SV2B: variants seen among roughly 807,000 people sequenced by gnomAD.
The protein encoded by SV2B is synaptic vesicle glycoprotein 2B.
SV2B carries 41 observed loss-of-function variants against 73.9 expected under a neutral mutation model. The ratio of observed to expected loss-of-function variants is 0.56; its 90% confidence interval spans 0.43 to 0.72. The LOEUF (loss-of-function observed/expected upper bound fraction) is 0.72. SV2B is among the 30% of genes least tolerant of loss of function. The pLI, the probability that SV2B is intolerant of heterozygous loss-of-function variation, is 0.00. For synonymous variants in SV2B, 314 were observed against 314.2 expected (o/e 1.00, Z 0.01); for missense variants, 764 against 857.8 (o/e 0.89, Z 1.37).
intron 1 of SV2B, among the ~76,000 whole-genome samples, chr15:91,187,944 TAAAC>T (rs2044839499): frequency 6.6e-6 from 1 of 152,118 alleles, no homozygotes. Context: ...AATGCCATAA[TAAAC>T]AAAATAAGAA....
rs966118103 is a variant in SV2B at position 91,224,193 on chromosome 15, A to G, written c.-391-1680A>G. ...GAGTCAAGTAGCCATGGTGAGGACAAATGTATCCAATCCTTTGTGAGGTGA... is the reference window on the plus strand; with the variant it reads ...GAGTCAAGTAGCCATGGTGAGGACAGATGTATCCAATCCTTTGTGAGGTGA... On this transcript the variant is annotated intron_variant, in intron 1 of 12. Coordinates refer to ENST00000394232, the MANE Select transcript of SV2B (RefSeq NM_001323032.3). This position sits in a 1 kb window ranked among gnomAD's most constrained non-coding sequence, Gnocchi z 4.9. Among the ~76,000 whole-genome samples, 2 of 152,148 alleles carry G rather than the reference A, an allele frequency of 1.3e-5. No individual in the cohort carries two copies. Among genetic ancestry groups the G allele is most frequent in the African/African-American group, 2.4e-5 (1 of 41,420 alleles).
chr15:91,188,074 C>T (rs1187626193), intron 1 of SV2B, among the ~76,000 whole-genome samples: 1 of 151,706 alleles, frequency 6.6e-6, no homozygotes, highest in Non-Finnish European at 1.5e-5. Context: ...AATTATTTTT[C>T]TTTTATTTTA....
chr15:91,162,759 G>A lies in SV2B; in HGVS notation c.-392+62396G>A, dbSNP rs75535921. ...CATTGCTGGTTGTCAACTAGGGACT[G>A]CTTTTTTTGTTTTGTTTTGTTTTTA... On this transcript the variant is annotated intron_variant, in intron 1 of 12. Transcript: ENST00000394232. Among the ~76,000 whole-genome samples the A allele has an allele frequency of 2.9e-3, 436 of 152,250 alleles. 1 individual carries two copies. Among genetic ancestry groups the A allele is most frequent in the South Asian group, 5.4e-3 (26 of 4,822 alleles).
At chr15:91,101,143 G>A (rs2041711407) in intron 1 of SV2B, among the ~76,000 whole-genome samples, 1 of 152,178 alleles carries the variant, frequency 6.6e-6, no homozygotes, top group Non-Finnish European at 1.5e-5. Context: ...AGCAGCCCCA[G>A]TGGGGTGGGG....
chr15:91,172,538 A>C (rs2044159637), intron 1 of SV2B, among the ~76,000 whole-genome samples: 1 of 152,216 alleles, frequency 6.6e-6, no homozygotes, highest in Non-Finnish European at 1.5e-5. Context: ...AGAGGGAGGC[A>C]CGAAAGAGGA....
chr15:91,273,826 C>T (rs2048395225), intron 9 of SV2B, among the ~76,000 whole-genome samples: 1 of 152,306 alleles, frequency 6.6e-6, no homozygotes, highest in Middle Eastern at 3.4e-3. Flanking sequence ...AGGTCATGAT[C>T]ACCATTGTCA....
chr15:91,228,563 G>T (rs4456482), intron 2 of SV2B, among the ~76,000 whole-genome samples: 2 of 152,198 alleles, frequency 1.3e-5, no homozygotes, highest in Non-Finnish European at 2.9e-5. Context: ...TTCATGGCCT[G>T]CTGGTCTCTC....
At chr15:91,285,679 G>C (rs1411526657) in intron 11 of SV2B, among the ~76,000 whole-genome samples, 1 of 152,210 alleles carries the variant, frequency 6.6e-6, no homozygotes, top group African/African-American at 2.4e-5. Flanking sequence ...AGGGGTGTGA[G>C]AGCAGACATG....
At chr15:91,211,212 G>C (rs528874683) in intron 1 of SV2B, among the ~76,000 whole-genome samples, 6 of 152,244 alleles carry the variant, frequency 3.9e-5, no homozygotes, top group Non-Finnish European at 8.8e-5. Flanking sequence ...TGCTAAGGCA[G>C]TGCCAGTGGA....
rs150095793 is a variant in SV2B, at chr15:91,213,313, A to G, written c.-391-12560A>G. ...GGTGTTACTTTCCAGTGAGATACCTATCTGGCAGTGGGAGATGCAGTTAGG... is the reference window on the plus strand; with the variant it reads ...GGTGTTACTTTCCAGTGAGATACCTGTCTGGCAGTGGGAGATGCAGTTAGG... On this transcript the variant is annotated intron_variant, in intron 1 of 12. Coordinates refer to ENST00000394232, the MANE Select transcript of SV2B (RefSeq NM_001323032.3). Among the ~76,000 whole-genome samples, 255 of 152,278 alleles carry G rather than the reference A, an allele frequency of 1.7e-3. 1 individual carries two copies. The highest frequency in any genetic ancestry group is 3.0e-3 in the Non-Finnish European group (202 of 68,020).
At chr15:91,150,529 T>C (rs1451458486) in intron 1 of SV2B, among the ~76,000 whole-genome samples, 1 of 152,244 alleles carries the variant, frequency 6.6e-6, no homozygotes, top group Non-Finnish European at 1.5e-5. Flanking sequence ...CCTTCTGTTA[T>C]TAAAATTAAT....
At chr15:91,215,665 T>C (rs1317934438) in intron 1 of SV2B, among the ~76,000 whole-genome samples, 2 of 152,208 alleles carry the variant, frequency 1.3e-5, no homozygotes, top group Non-Finnish European at 2.9e-5. Flanking sequence ...GGTATTATAG[T>C]GTCATCATTT....
At chr15:91,251,152 T>A (rs147256502) in intron 2 of SV2B, among the ~76,000 whole-genome samples, 1 of 152,180 alleles carries the variant, frequency 6.6e-6, no homozygotes, top group Non-Finnish European at 1.5e-5. Flanking sequence ...ATTCACACAT[T>A]TATGGCCAAT....
chr15:91,268,404 C>T lies in SV2B; in HGVS notation c.1209-37C>T, dbSNP rs756028041. ...GACCCTGATCATGAAAGAATGAATC[C>T]TGTTGTTGTTGCAACCTTCTGCCTT... On this transcript the variant is annotated intron_variant, in intron 8 of 12. Coordinates refer to ENST00000394232, the MANE Select transcript of SV2B (RefSeq NM_001323032.3). The surrounding 1 kb of genome is among the most constrained non-coding windows in gnomAD (Gnocchi z 4.4). The T allele has an allele frequency of 1.4e-5, 22 of 1,589,998 alleles. No individual in the cohort carries two copies. Among genetic ancestry groups the T allele is most frequent in the Non-Finnish European group, 1.9e-5 (22 of 1,163,554 alleles).
intron 1 of SV2B, among the ~76,000 whole-genome samples, chr15:91,179,932 G>A (rs12903251): frequency 0.35 from 51,536 of 147,522 alleles, 9,369 homozygotes; most frequent in East Asian, 0.69. Flanking sequence ...TGATCCTGTC[G>A]TTATGATGTT....
chr15:91,169,094 C>T (rs1257583439), intron 1 of SV2B, among the ~76,000 whole-genome samples: 1 of 152,068 alleles, frequency 6.6e-6, no homozygotes, highest in Admixed American at 6.6e-5. Context: ...GAGGAGGTTA[C>T]TTTGTTTTTC....
chr15:91,288,830 AC>A lies in SV2B; in HGVS notation c.1709-689del, dbSNP rs2048949058. ...GTAGCTGGGATTACAGGTGTGCACC[AC>A]CGGGTCTGGCTACTTTTTGTCTTTT... On this transcript the variant is annotated intron_variant, in intron 11 of 12. Coordinates refer to ENST00000394232, the MANE Select transcript of SV2B (RefSeq NM_001323032.3). This position sits in a 1 kb window ranked among gnomAD's most constrained non-coding sequence, Gnocchi z 5.8. 6.6e-6 allele frequency among the ~76,000 whole-genome samples: 1 copy of A among 152,098 alleles called. No individual in the cohort carries two copies. Among genetic ancestry groups the A allele is most frequent in the Non-Finnish European group, 1.5e-5 (1 of 68,014 alleles).
At chr15:91,142,306 ACTCATG>A (rs1002232504) in intron 1 of SV2B, among the ~76,000 whole-genome samples, 5 of 151,926 alleles carry the variant, frequency 3.3e-5, no homozygotes, top group Admixed American at 3.3e-4. Flanking sequence ...TCACTTGCTA[ACTCATG>A]CTGTCTGGGT....
intron 1 of SV2B, among the ~76,000 whole-genome samples, chr15:91,159,110 T>G (rs186549989): frequency 6.5e-4 from 99 of 152,226 alleles, no homozygotes; most frequent in Middle Eastern, 6.8e-3. Context: ...CAAGAGCATG[T>G]TGAGGAGCTG....
Sources: allele counts gnomAD v4.1 joint callset (sites outside exome capture counted in the v4.1 genomes callset), GRCh38; gene constraint gnomAD v4.1.1; non-coding constraint Gnocchi (gnomAD v3.1); transcripts MANE v1.5; gene names NCBI Gene and HGNC (gene_info 2026-07-23, HGNC 2026-07-21).